NAALADL2: variants seen among roughly 807,000 people sequenced by gnomAD.
NAALADL2 encodes the protein N-acetylated alpha-linked acidic dipeptidase like 2.
NAALADL2 carries 76 observed loss-of-function variants against 87.2 expected under a neutral mutation model. The observed-to-expected ratio is 0.87, with a 90% confidence interval of 0.72 to 1.05. The LOEUF is 1.05. Ranked by LOEUF, NAALADL2 falls within the 50% of genes least tolerant of loss-of-function variation. NAALADL2 has a pLI of 0.00. For synonymous variants in NAALADL2, 354 were observed against 331.0 expected, an observed-to-expected ratio of 1.07 and a Z score of -0.75; for missense variants, 1,089 against 945.8, an observed-to-expected ratio of 1.15 and a Z score of -1.99.
At chr3:174,840,500 G>A (rs147590405) in intron 3 of NAALADL2, among the ~76,000 whole-genome samples, 1,984 of 152,130 alleles carry the variant, frequency 0.013, 45 homozygotes, top group African/African-American at 0.046. Context: ...AGATTTGAAG[G>A]ATACATGGAA....
chr3:175,732,430 G>A (rs921872540), intron 11 of NAALADL2, among the ~76,000 whole-genome samples: 1 of 152,172 alleles, frequency 6.6e-6, no homozygotes, highest in African/African-American at 2.4e-5. Context: ...AAATTAATTT[G>A]TAAATGATTC....
At chr3:175,428,486 G>A (rs1375765221) in intron 5 of NAALADL2, among the ~76,000 whole-genome samples, 3 of 152,070 alleles carry the variant, frequency 2.0e-5, no homozygotes, top group Non-Finnish European at 4.4e-5. Flanking sequence ...CTAGTTGGAG[G>A]ATGAGGTTGA....
chr3:174,626,333 C>T (rs1211215357), intron 2 of NAALADL2, among the ~76,000 whole-genome samples: 1 of 151,926 alleles, frequency 6.6e-6, no homozygotes, highest in Non-Finnish European at 1.5e-5. Flanking sequence ...CTTTATCAAC[C>T]TGATAGGAAT....
At chr3:175,019,397 A>G (rs1293890158) in intron 1 of NAALADL2, among the ~76,000 whole-genome samples, 1 of 152,066 alleles carries the variant, frequency 6.6e-6, no homozygotes, top group Non-Finnish European at 1.5e-5. Flanking sequence ...GCAGCTGCAT[A>G]TTCATCTGTC....
chr3:174,733,338 G>A (rs757925892), intron 2 of NAALADL2, among the ~76,000 whole-genome samples: 1 of 152,206 alleles, frequency 6.6e-6, no homozygotes, highest in Non-Finnish European at 1.5e-5. Context: ...ATTTAGTAAA[G>A]AGAATCCTTA....
chr3:175,397,920 C>A (rs2193848), intron 5 of NAALADL2, among the ~76,000 whole-genome samples: 32,643 of 151,970 alleles, frequency 0.21, 4,106 homozygotes, highest in East Asian at 0.47. Context: ...AGGTTGTAAT[C>A]CCTGCCATGT....
chr3:175,313,917 C>A (rs1350961876), intron 4 of NAALADL2, among the ~76,000 whole-genome samples: 1 of 151,798 alleles, frequency 6.6e-6, no homozygotes, highest in African/African-American at 2.4e-5. Flanking sequence ...AAAAAACTAG[C>A]TGGGAGTGGT....
At chr3:174,714,117 G>A (rs1180362742) in intron 2 of NAALADL2, among the ~76,000 whole-genome samples, 3 of 152,064 alleles carry the variant, frequency 2.0e-5, no homozygotes, top group African/African-American at 2.4e-5. Flanking sequence ...TTGTAGATAC[G>A]TGGCATTATT....
At chr3:175,697,539 T>G (rs1389188073) in intron 11 of NAALADL2, among the ~76,000 whole-genome samples, 2 of 151,712 alleles carry the variant, frequency 1.3e-5, no homozygotes, top group Non-Finnish European at 2.9e-5. Flanking sequence ...GGGTGTATTG[T>G]TACTTTTGAT....
intron 3 of NAALADL2, among the ~76,000 whole-genome samples, chr3:174,797,920 A>G (rs893235061): frequency 6.6e-6 from 1 of 152,178 alleles, no homozygotes; most frequent in Non-Finnish European, 1.5e-5. Context: ...ATATCTAAGA[A>G]GCCATTGCTT....
chr3:174,680,565 T>G (rs1369109639), intron 2 of NAALADL2, among the ~76,000 whole-genome samples: 2 of 152,350 alleles, frequency 1.3e-5, no homozygotes, highest in African/African-American at 4.8e-5. Flanking sequence ...CAAAGAATTA[T>G]ACTTTTACAA....
In NAALADL2 at chr3:175,362,118, T is replaced by C. The variant is rs1485250277; in HGVS notation, c.1090+37793T>C. ...CAATTTTCCAGCGCCATTTATTAAA[T>C]GAGGAATCCTTTTCCCATTTATTGT... On this transcript the variant is annotated intron_variant, in intron 5 of 13. Transcript: ENST00000454872. Among the ~76,000 whole-genome samples the C allele has an allele frequency of 2.0e-5, 3 of 148,466 alleles. 1 individual carries two copies. In the Admixed American group the frequency reaches 2.1e-4, roughly 10 times the overall value.
intron 3 of NAALADL2, among the ~76,000 whole-genome samples, chr3:174,831,503 G>A (rs889850883): frequency 9.1e-5 from 13 of 143,414 alleles, no homozygotes; most frequent in African/African-American, 1.6e-4. Context: ...TGCTGGATTC[G>A]TTTTGCCAGT....
rs368404405 is a variant in NAALADL2 at position 175,803,178 on chromosome 3, A to G, written c.2363A>G (p.Lys788Arg). The change falls in exon 14 of 14, where the codon AAG becomes AGG. Residue 788 changes from lysine (K) to arginine (R), a missense_variant. Coordinates refer to ENST00000454872, the MANE Select transcript of NAALADL2 (RefSeq NM_207015.3). Reference protein sequence around the residue: ...VYFKAGLDVFKSVLDGKN With the variant: ...VYFKAGLDVFRSVLDGKN ...TTCAAAGCAGGACTTGATGTGTTCA[A>G]GAGTGTCTTGGATGGGAAGAATTGA... is the stretch of plus-strand genomic sequence containing the variant. The G allele has an allele frequency of 8.7e-6, 14 of 1,609,886 alleles. No individual in the cohort carries two copies. Among genetic ancestry groups the G allele is most frequent in the East Asian group, 6.7e-5 (3 of 44,824 alleles).
chr3:175,483,687 G>C (rs1726841038), intron 9 of NAALADL2, among the ~76,000 whole-genome samples: 1 of 151,998 alleles, frequency 6.6e-6, no homozygotes, highest in South Asian at 2.1e-4. Context: ...TGGGCTACTG[G>C]TTACTGGTTT....
chr3:174,992,688 G>A (rs1746898456), intron 1 of NAALADL2, among the ~76,000 whole-genome samples: 1 of 151,256 alleles, frequency 6.6e-6, no homozygotes, highest in East Asian at 1.9e-4. Context: ...TTCTTTTCTT[G>A]GAAAAAAATG....
At chr3:175,698,688 C>G (rs1393798148) in intron 11 of NAALADL2, among the ~76,000 whole-genome samples, 1 of 151,318 alleles carries the variant, frequency 6.6e-6, no homozygotes, top group Non-Finnish European at 1.5e-5. Context: ...GAATTCGTGT[C>G]ATGTGCCACA....
chr3:175,750,549 A>G (rs1401892552), intron 12 of NAALADL2, among the ~76,000 whole-genome samples: 3 of 152,168 alleles, frequency 2.0e-5, no homozygotes, highest in Non-Finnish European at 4.4e-5. Context: ...CCTCTACGAT[A>G]GTGAGGACTA....
chr3:175,508,076 G>A (rs904724348), intron 9 of NAALADL2, among the ~76,000 whole-genome samples: 1 of 152,126 alleles, frequency 6.6e-6, no homozygotes, highest in Non-Finnish European at 1.5e-5. Context: ...CATGACAAAG[G>A]CAGGAGCAAG....
Sources: allele counts gnomAD v4.1 joint callset (sites outside exome capture counted in the v4.1 genomes callset), GRCh38; gene constraint gnomAD v4.1.1; transcripts MANE v1.5; gene names NCBI Gene and HGNC (gene_info 2026-07-23, HGNC 2026-07-21).